Variants in ZCCHC14 observed in about 807,000 individuals in gnomAD.
The protein encoded by ZCCHC14 is zinc finger CCHC domain-containing protein 14.
ZCCHC14 carries 16 observed loss-of-function variants against 85.0 expected under a neutral mutation model. The observed-to-expected ratio is 0.19, with a 90% confidence interval of 0.13 to 0.29. The LOEUF is 0.29. ZCCHC14 is among the 10% of genes least tolerant of loss of function. The pLI is 1.00. For missense variants in ZCCHC14, 1,303 were observed against 1,443.5 expected (o/e 0.90, Z 1.58); for synonymous variants, 775 against 630.7 (o/e 1.23, Z -3.43).
chr16:87,437,949 C>T (rs910660510), intron 2 of ZCCHC14, among the ~76,000 whole-genome samples: 1 of 152,240 alleles, frequency 6.6e-6, no homozygotes, highest in Non-Finnish European at 1.5e-5. Context: ...CCAAGGTGTA[C>T]AGCTTCTGAT....
At chr16:87,418,780 C>G in intron 7 of ZCCHC14, 67 bp downstream of exon 7, 1 of 1,486,132 alleles carries the variant, frequency 6.7e-7, no homozygotes, top group Admixed American at 1.7e-5. Flanking sequence ...CAACTTTACA[C>G]AGAACTCAAA....
chr16:87,491,891 G>A lies in ZCCHC14; in HGVS notation c.348C>T (p.Ile116=), dbSNP rs908040479. ...YRTLTHIDSI[I]HNYGLQLNEG... ...CGTTAAGCTGCAGCCCGTAGTTGTG[G>A]ATGATGGAGTCGATGTGCGTGAGCG... The change falls in exon 1 of 13, where the codon ATC becomes ATT. Residue 116 remains isoleucine (I), a synonymous_variant. Coordinates refer to ENST00000671377, the MANE Select transcript of ZCCHC14 (RefSeq NM_015144.3). The surrounding 1 kb of genome is among the most constrained non-coding windows in gnomAD (Gnocchi z 5.9). The A allele has an allele frequency of 9.1e-6, 14 of 1,538,806 alleles. No individual in the cohort carries two copies. The highest frequency in any genetic ancestry group is 2.9e-5 in the African/African-American group (2 of 69,232).
intron 2 of ZCCHC14, among the ~76,000 whole-genome samples, 170 bp from the exon 3 acceptor site, chr16:87,433,371 C>T (rs931999580): frequency 2.0e-5 from 3 of 152,142 alleles, no homozygotes; most frequent in South Asian, 2.1e-4. Flanking sequence ...GGAAGGCGGG[C>T]GGCAGCACCA....
At chr16:87,463,576 T>C (rs1293779818) in intron 1 of ZCCHC14, among the ~76,000 whole-genome samples, 1 of 152,136 alleles carries the variant, frequency 6.6e-6, no homozygotes, top group African/African-American at 2.4e-5. Flanking sequence ...CCCAGCACTC[T>C]GGGAGGCCGA....
At position 87,410,015 on chromosome 16, in the gene ZCCHC14, A is replaced by G. The variant is rs1908363184; in HGVS notation, c.*265T>C. The G allele has an allele frequency of 2.9e-6, 1 of 343,014 alleles. No individual in the cohort carries two copies. Among genetic ancestry groups the G allele is most frequent in the Non-Finnish European group, 5.3e-6 (1 of 189,774 alleles). 21.2% of individuals were successfully genotyped at this position (343,014 alleles called of 1,614,324 possible). A position where few individuals can be genotyped will look rare whatever the true frequency, so the allele number is the denominator to read the frequency against. Reference sequence around the variant, plus strand: ...TCTTCGGGAGACATGGCGTCTCTGCACTGCAACCAAAAGTGGAGGTGGCCG... The same window carrying G: ...TCTTCGGGAGACATGGCGTCTCTGCGCTGCAACCAAAAGTGGAGGTGGCCG... On this transcript the variant is annotated 3_prime_UTR_variant, in exon 13 of 13. Transcript: ENST00000671377.
At chr16:87,439,878 A>T (rs1208785543) in intron 2 of ZCCHC14, among the ~76,000 whole-genome samples, 1 of 152,268 alleles carries the variant, frequency 6.6e-6, no homozygotes, top group Non-Finnish European at 1.5e-5. Flanking sequence ...ATAGTTGTTA[A>T]GTATTTTGCT....
intron 12 of ZCCHC14, among the ~76,000 whole-genome samples, chr16:87,410,673 C>T (rs937808513): frequency 1.3e-5 from 2 of 152,194 alleles, no homozygotes; most frequent in African/African-American, 2.4e-5. Context: ...GTGAGTGCCC[C>T]GTGCCTCTGG....
At chr16:87,476,545 A>G (rs1597450718) in intron 1 of ZCCHC14, among the ~76,000 whole-genome samples, 1 of 152,054 alleles carries the variant, frequency 6.6e-6, no homozygotes, top group Non-Finnish European at 1.5e-5. Context: ...TATTAACTCC[A>G]AGCAGACTGT....
chr16:87,428,917 C>A (rs1183295630), intron 3 of ZCCHC14, among the ~76,000 whole-genome samples: 1 of 152,120 alleles, frequency 6.6e-6, no homozygotes, highest in South Asian at 2.1e-4. Context: ...TATTCCACTG[C>A]GTGGACATAA....
rs938932978 is a variant in ZCCHC14 at position 87,420,594 on chromosome 16, G to A, written c.950+13C>T. On this transcript the variant is annotated intron_variant, in intron 5 of 12. Transcript: ENST00000671377. The surrounding 1 kb of genome is among the most constrained non-coding windows in gnomAD (Gnocchi z 5.0). ...CAGCTGTGGACGCGCCGGGTGCCTG[G>A]TAAGGGCCTCACCTCAGGCCTGAGT... is the stretch of plus-strand genomic sequence containing the variant. 11 of 1,607,374 alleles carry A rather than the reference G, an allele frequency of 6.8e-6. No individual in the cohort carries two copies. The Admixed American group carries it at 8.4e-5, about 12-fold the overall frequency.
At chr16:87,489,135 G>C (rs1453541995) in intron 1 of ZCCHC14, among the ~76,000 whole-genome samples, 1 of 152,208 alleles carries the variant, frequency 6.6e-6, no homozygotes, top group South Asian at 2.1e-4. Context: ...GTTCATCAAC[G>C]TCAGCCTTAG....
intron 2 of ZCCHC14, among the ~76,000 whole-genome samples, chr16:87,435,407 G>A (rs974681484): frequency 2.0e-5 from 3 of 152,380 alleles, no homozygotes; most frequent in Non-Finnish European, 2.9e-5. Flanking sequence ...GCCCGTCCGT[G>A]AGCAGCTCTG....
At chr16:87,450,330 G>A (rs1343391951) in intron 2 of ZCCHC14, among the ~76,000 whole-genome samples, 1 of 152,160 alleles carries the variant, frequency 6.6e-6, no homozygotes, top group African/African-American at 2.4e-5. Flanking sequence ...ATTTCTAGAA[G>A]CATTACCTCT....
At chr16:87,436,379 G>T (rs1909921164) in intron 2 of ZCCHC14, among the ~76,000 whole-genome samples, 1 of 152,254 alleles carries the variant, frequency 6.6e-6, no homozygotes, top group African/African-American at 2.4e-5. Flanking sequence ...CTCTACTCCT[G>T]CCCTGGACCC....
chr16:87,419,944 A>C, intron 5 of ZCCHC14, 67 bp from the exon 6 acceptor site: 1 of 1,401,868 alleles, frequency 7.1e-7, no homozygotes, highest in Middle Eastern at 1.8e-4. Context: ...TGAAAGAAAA[A>C]AATTTAACTT....
chr16:87,478,865 A>C (rs185839103), intron 1 of ZCCHC14, among the ~76,000 whole-genome samples: 37 of 152,118 alleles, frequency 2.4e-4, no homozygotes, highest in Admixed American at 2.0e-3. Context: ...TCGGCCTCCC[A>C]AAGTGCTAGG....
intron 8 of ZCCHC14, among the ~76,000 whole-genome samples, chr16:87,416,219 C>T (rs1422103980): frequency 1.3e-5 from 2 of 152,012 alleles, no homozygotes; most frequent in Admixed American, 1.3e-4. Flanking sequence ...AGCCACCGCA[C>T]CTGGCCAGGG....
intron 4 of ZCCHC14, among the ~76,000 whole-genome samples, chr16:87,421,777 T>C (rs7191969): frequency 0.16 from 24,615 of 152,090 alleles, 4,084 homozygotes; most frequent in African/African-American, 0.43. Context: ...GAGAGCCCAG[T>C]GCCAGCTTCA....
At chr16:87,478,683 T>C (rs1171957847) in intron 1 of ZCCHC14, among the ~76,000 whole-genome samples, 1 of 151,978 alleles carries the variant, frequency 6.6e-6, no homozygotes, top group Non-Finnish European at 1.5e-5. Flanking sequence ...CTTGGCTCAC[T>C]GCAACCTCTG....
Sources: gnomAD v4.1 joint callset for allele counts (sites outside exome capture counted in the v4.1 genomes callset) on GRCh38, gnomAD v4.1.1 for gene constraint, Gnocchi (gnomAD v3.1) non-coding constraint, MANE v1.5 for transcripts, NCBI Gene and HGNC (gene_info 2026-07-23, HGNC 2026-07-21) for gene names.